The following UBAC2 variants were observed in gnomAD, a reference collection of about 807,000 sequenced individuals.
UBAC2 encodes the protein ubiquitin-associated domain-containing protein 2.
Under a neutral mutation model 44.0 loss-of-function variants are expected in UBAC2, and 26 were observed. That is an observed-to-expected ratio of 0.59 (90% CI 0.43 to 0.82). The LOEUF (loss-of-function observed/expected upper bound fraction) is 0.82, where lower values mean the gene tolerates loss of function less well. UBAC2 is among the 40% of genes least tolerant of loss of function. The pLI is 0.00. For missense variants in UBAC2, 329 were observed against 419.4 expected, an observed-to-expected ratio of 0.78 and a Z score of 1.88; for synonymous variants, 155 against 154.3, an observed-to-expected ratio of 1.00 and a Z score of -0.04.
At chr13:99,244,490 A>AT in intron 3 of UBAC2, 25 bp from the exon 4 acceptor site, 1 of 1,530,606 alleles carries the variant, frequency 6.5e-7, no homozygotes, top group African/African-American at 1.4e-5. Context: ...CATCTCTATC[A>AT]TTTTTCTGCT....
Position 99,295,091 on chromosome 13 carries a change from A to G in UBAC2, c.390-19006A>G, listed in dbSNP as rs777204056. 4 of 1,613,948 alleles carry G rather than the reference A, an allele frequency of 2.5e-6. No individual in the cohort carries two copies. The highest frequency in any genetic ancestry group is 1.3e-5 in the African/African-American group (1 of 74,938). On this transcript the variant is annotated intron_variant, in intron 4 of 8. Coordinates refer to ENST00000403766, the MANE Select transcript of UBAC2 (RefSeq NM_001144072.2). This position sits in a 1 kb window ranked among gnomAD's most constrained non-coding sequence, Gnocchi z 4.1. ...TCCATTTGAAGACTTGGAATGTATC[A>G]TCATCTGCGTTTCTGTCATTTCACG...
chr13:99,230,906 G>T (rs1251028557), intron 1 of UBAC2, among the ~76,000 whole-genome samples: 1 of 152,126 alleles, frequency 6.6e-6, no homozygotes, highest in Non-Finnish European at 1.5e-5. Flanking sequence ...AAAATTAGCT[G>T]GATGTGGTGG....
intron 4 of UBAC2, among the ~76,000 whole-genome samples, chr13:99,270,175 G>A (rs900758997): frequency 3.9e-5 from 6 of 152,146 alleles, no homozygotes; most frequent in African/African-American, 9.7e-5. Flanking sequence ...TTTTAACTAC[G>A]TAAGGTGAGG....
At chr13:99,249,151 T>C (rs1225555878) in intron 4 of UBAC2, among the ~76,000 whole-genome samples, 1 of 152,130 alleles carries the variant, frequency 6.6e-6, no homozygotes, top group African/African-American at 2.4e-5. Flanking sequence ...TATCCAGTAG[T>C]TAGTTTTTCA....
At chr13:99,354,119 T>G (rs2045139433) in intron 7 of UBAC2, among the ~76,000 whole-genome samples, 2 of 152,252 alleles carry the variant, frequency 1.3e-5, no homozygotes, top group South Asian at 4.1e-4. Flanking sequence ...CCCCCTTCAC[T>G]GCTCTGCACC....
intron 4 of UBAC2, among the ~76,000 whole-genome samples, chr13:99,311,491 G>C (rs1477919528): frequency 6.6e-6 from 1 of 152,178 alleles, no homozygotes; most frequent in Non-Finnish European, 1.5e-5. Context: ...AGGCCCAGCT[G>C]TTTTAATCAG....
intron 4 of UBAC2, among the ~76,000 whole-genome samples, chr13:99,296,357 G>T (rs1419466389): frequency 6.6e-6 from 1 of 152,136 alleles, no homozygotes; most frequent in Non-Finnish European, 1.5e-5. Context: ...ATGATAACAG[G>T]AAGAACAGAA....
intron 4 of UBAC2, among the ~76,000 whole-genome samples, chr13:99,305,886 C>CATTTATTTATTTATTT (rs10633287): frequency 6.6e-6 from 1 of 151,510 alleles, no homozygotes; most frequent in Non-Finnish European, 1.5e-5. Flanking sequence ...GACTCAGGGC[C>CATTTATTTATTTATTT]ATTTATTTAT....
At chr13:99,266,294 C>T (rs2138655287) in intron 4 of UBAC2, among the ~76,000 whole-genome samples, 1 of 152,076 alleles carries the variant, frequency 6.6e-6, no homozygotes, top group Admixed American at 6.5e-5. Context: ...TCTGGCTTCC[C>T]TTGGCCACAT....
At chr13:99,241,883 G>C (rs1435225838) in intron 2 of UBAC2, among the ~76,000 whole-genome samples, 1 of 148,476 alleles carries the variant, frequency 6.7e-6, no homozygotes, top group African/African-American at 2.5e-5. Flanking sequence ...AGGACCCTGC[G>C]GCCTTCCGCA....
chr13:99,265,827 A>G (rs1269700506), intron 4 of UBAC2, among the ~76,000 whole-genome samples: 2 of 152,246 alleles, frequency 1.3e-5, no homozygotes, highest in Non-Finnish European at 2.9e-5. Flanking sequence ...AAATAATGAG[A>G]CAAAAAGAAA....
chr13:99,349,915 T>C (rs9517696), intron 7 of UBAC2, among the ~76,000 whole-genome samples: 149,920 of 152,054 alleles, frequency 0.99, 73,919 homozygotes, highest in East Asian at 1. Context: ...ACTCCTCCAA[T>C]GAAAGGAGAC....
At chr13:99,242,852 A>G (rs1248220605) in intron 2 of UBAC2, among the ~76,000 whole-genome samples, 34 of 56,632 alleles carry the variant, frequency 6.0e-4, no homozygotes, top group Admixed American at 1.1e-3. Context: ...CCGGGCAGAG[A>G]CGCTCCTCAC....
At chr13:99,244,014 A>G (rs1295065554) in intron 3 of UBAC2, 63 bp downstream of exon 3, 2 of 1,321,176 alleles carry the variant, frequency 1.5e-6, no homozygotes, top group African/African-American at 1.5e-5. Context: ...GTTTAAATGG[A>G]TTTTATTTTG....
At chr13:99,320,420 T>C (rs1216089821) in intron 6 of UBAC2, among the ~76,000 whole-genome samples, 1 of 152,122 alleles carries the variant, frequency 6.6e-6, no homozygotes, top group Non-Finnish European at 1.5e-5. Flanking sequence ...GGAATATAAT[T>C]CAAAGATAAT....
At chr13:99,222,661 G>A (rs1010487611) in intron 1 of UBAC2, among the ~76,000 whole-genome samples, 102 of 152,022 alleles carry the variant, frequency 6.7e-4, no homozygotes, top group Non-Finnish European at 1.8e-4. Flanking sequence ...TTGTTGATAT[G>A]GTAAATTACA....
At chr13:99,378,842 A>G (rs747102868) in intron 8 of UBAC2, among the ~76,000 whole-genome samples, 13 of 152,246 alleles carry the variant, frequency 8.5e-5, no homozygotes, top group Non-Finnish European at 1.5e-4. Context: ...ATGTTGTTCA[A>G]GAAGGTACTT....
At chr13:99,270,964 CTT>C (rs1017668098) in intron 4 of UBAC2, among the ~76,000 whole-genome samples, 4 of 152,290 alleles carry the variant, frequency 2.6e-5, no homozygotes, top group South Asian at 2.1e-4. Context: ...GCAATCGGCT[CTT>C]TTCTGATTTC....
chr13:99,324,606 CATT>C, intron 6 of UBAC2, among the ~76,000 whole-genome samples: 1 of 152,042 alleles, frequency 6.6e-6, no homozygotes, highest in East Asian at 1.9e-4. Context: ...ACTTTACAAA[CATT>C]ATTTTAATTA....
Sources: allele counts gnomAD v4.1 joint callset (sites outside exome capture counted in the v4.1 genomes callset), GRCh38; gene constraint gnomAD v4.1.1; non-coding constraint Gnocchi (gnomAD v3.1); transcripts MANE v1.5; gene names NCBI Gene and HGNC (gene_info 2026-07-23, HGNC 2026-07-21).